The following MAPK8 variants were observed in gnomAD, a reference collection of about 807,000 sequenced individuals.
The protein encoded by MAPK8 is JUN N-terminal kinase.
In MAPK8, 13 loss-of-function variants were observed where a neutral mutation model predicts 52.9. The observed-to-expected ratio is 0.25, with a 90% CI of 0.16 to 0.39. The LOEUF (loss-of-function observed/expected upper bound fraction) is 0.39, where lower values mean the gene tolerates loss of function less well. MAPK8 is among the 10% of genes least tolerant of loss of function. The pLI, the probability that MAPK8 is intolerant of heterozygous loss-of-function variation, is 1.00. For missense variants in MAPK8, 300 were observed against 519.2 expected (o/e 0.58, Z 4.10); for synonymous variants, 191 against 169.8 (o/e 1.12, Z -0.97).
At chr10:48,354,803 AC>A (rs779034688) in intron 1 of MAPK8, among the ~76,000 whole-genome samples, 116 of 150,022 alleles carry the variant, frequency 7.7e-4, no homozygotes, top group Admixed American at 1.5e-3. Flanking sequence ...TAAAAAAAAA[AC>A]AGAAAAAGAA....
intron 10 of MAPK8, among the ~76,000 whole-genome samples, chr10:48,428,042 T>C (rs2133261113): frequency 6.6e-6 from 1 of 152,326 alleles, no homozygotes; most frequent in African/African-American, 2.4e-5. Flanking sequence ...TTTTCAGTTA[T>C]TTCCAAATTA....
At chr10:48,337,662 G>T (rs1346092682) in intron 1 of MAPK8, among the ~76,000 whole-genome samples, 1 of 152,090 alleles carries the variant, frequency 6.6e-6, no homozygotes, top group African/African-American at 2.4e-5. Flanking sequence ...AAAACGGAAA[G>T]TTCTGTTTGT....
chr10:48,310,480 A>G (rs935853901), intron 1 of MAPK8, among the ~76,000 whole-genome samples: 5 of 152,206 alleles, frequency 3.3e-5, no homozygotes, highest in African/African-American at 1.2e-4. Context: ...AGATTCTTGG[A>G]AAGGTAGGCT....
intron 1 of MAPK8, among the ~76,000 whole-genome samples, chr10:48,372,474 G>A (rs368296090): frequency 6.6e-6 from 1 of 151,802 alleles, no homozygotes; most frequent in Admixed American, 6.6e-5. Flanking sequence ...CTAAGAACCT[G>A]GAAAAAAGGT....
chr10:48,337,650 AC>A (rs1844825881), intron 1 of MAPK8, among the ~76,000 whole-genome samples: 2 of 152,294 alleles, frequency 1.3e-5, no homozygotes, highest in East Asian at 3.9e-4. Context: ...CACAGAATCA[AC>A]AAAACGGAAA....
chr10:48,334,799 G>A (rs1348002373), intron 1 of MAPK8, among the ~76,000 whole-genome samples: 4 of 152,144 alleles, frequency 2.6e-5, no homozygotes, highest in Admixed American at 2.0e-4. Context: ...AAGACTTTTA[G>A]TGGCAGTCTT....
intron 1 of MAPK8, among the ~76,000 whole-genome samples, chr10:48,328,119 C>T (rs1175419081): frequency 2.0e-5 from 3 of 152,080 alleles, no homozygotes; most frequent in Admixed American, 6.6e-5. Context: ...TGGGTTCAAG[C>T]GATTTTCCTG....
chr10:48,434,949 A>T lies in MAPK8; in HGVS notation c.1204A>T (p.Met402Leu), dbSNP rs774869055. ...GTCGTCTGTCAATGATGTGTCTTCA[A>T]TGTCAACAGATCCGACTTTGGCCTC... is the stretch of plus-strand genomic sequence containing the variant. ...SSSSVNDVSS[M>L]STDPTLASDT... Residue 402 changes from methionine (M) to leucine (L), a missense_variant, in exon 12 of 12, where the codon ATG becomes TTG. Met to Leu is a conservative substitution (Grantham distance 15, BLOSUM62 2). Around this residue, in one of 3 missense-constraint regions of MAPK8, gnomAD observed 119 missense variants for 154.4 expected, o/e 0.77. Coordinates refer to ENST00000374189, the MANE Select transcript of MAPK8 (RefSeq NM_001323329.2). 2 of 1,579,620 alleles carry T rather than the reference A, an allele frequency of 1.3e-6. No homozygotes were observed. The highest frequency in any genetic ancestry group is 2.4e-5 in the East Asian group (1 of 42,246).
chr10:48,430,621 C>T (rs111329611), intron 10 of MAPK8: 6 of 152,728 alleles, frequency 3.9e-5, no homozygotes, highest in Admixed American at 2.6e-4. Flanking sequence ...AAATGTTCTT[C>T]GAAGTGATAA....
chr10:48,359,949 G>C (rs905006513), intron 1 of MAPK8, among the ~76,000 whole-genome samples: 1 of 152,164 alleles, frequency 6.6e-6, no homozygotes, highest in Non-Finnish European at 1.5e-5. Flanking sequence ...TTTATAAGGG[G>C]AGTGAGACAG....
chr10:48,382,970 C>T (rs1003339146), intron 1 of MAPK8, among the ~76,000 whole-genome samples: 1 of 146,584 alleles, frequency 6.8e-6, no homozygotes, highest in Non-Finnish European at 1.5e-5. Flanking sequence ...ATATAGATAG[C>T]CTGAATGTCA....
At chr10:48,391,163 GTCT>G (rs1204570230) in intron 1 of MAPK8, among the ~76,000 whole-genome samples, 1 of 152,190 alleles carries the variant, frequency 6.6e-6, no homozygotes, top group Non-Finnish European at 1.5e-5. Context: ...CATGGTTGTA[GTCT>G]TCTTGCTGTA....
At chr10:48,426,158 T>C (rs1354351562) in intron 8 of MAPK8, 88 bp downstream of exon 8, 1 of 1,216,618 alleles carries the variant, frequency 8.2e-7, no homozygotes, top group Admixed American at 2.6e-5. Flanking sequence ...ATTCATATTC[T>C]TATGGGACAT....
intron 1 of MAPK8, among the ~76,000 whole-genome samples, chr10:48,375,571 C>A (rs1327402338): frequency 6.6e-6 from 1 of 152,146 alleles, no homozygotes; most frequent in African/African-American, 2.4e-5. Context: ...GCAAAAATCA[C>A]AAACATTCCT....
At chr10:48,357,290 C>T (rs1440555075) in intron 1 of MAPK8, among the ~76,000 whole-genome samples, 1 of 152,106 alleles carries the variant, frequency 6.6e-6, no homozygotes, top group Non-Finnish European at 1.5e-5. Context: ...TTTTCTGTGC[C>T]TTCTTTGTTT....
intron 1 of MAPK8, among the ~76,000 whole-genome samples, chr10:48,336,559 A>G (rs903183897): frequency 5.3e-5 from 8 of 152,210 alleles, no homozygotes; most frequent in Admixed American, 5.2e-4. Flanking sequence ...TCTATTAGAA[A>G]TTAAAACTAA....
intron 1 of MAPK8, among the ~76,000 whole-genome samples, chr10:48,361,818 T>TA (rs1411063794): frequency 1.3e-5 from 2 of 152,204 alleles, no homozygotes; most frequent in African/African-American, 4.8e-5. Context: ...AATTTGTATG[T>TA]AAAATGAGAA....
At chr10:48,375,323 C>T (rs1345542722) in intron 1 of MAPK8, among the ~76,000 whole-genome samples, 2 of 152,114 alleles carry the variant, frequency 1.3e-5, no homozygotes, top group Non-Finnish European at 2.9e-5. Flanking sequence ...TGTTTGAAAA[C>T]CGGCACAAGA....
intron 9 of MAPK8, 40 bp from the exon 10 acceptor site, chr10:48,427,040 C>T: frequency 3.4e-6 from 5 of 1,474,998 alleles, no homozygotes; most frequent in African/African-American, 1.4e-5. Context: ...AAAATACTCC[C>T]AGCATACTGA....
Sources: gnomAD v4.1 joint callset for allele counts (sites outside exome capture counted in the v4.1 genomes callset) on GRCh38, gnomAD v4.1.1 for gene constraint, gnomAD v4.1.1 regional missense constraint, MANE v1.5 for transcripts, NCBI Gene and HGNC (gene_info 2026-07-23, HGNC 2026-07-21) for gene names.